Variants in FHIT observed in about 807,000 individuals in gnomAD.
FHIT encodes fragile histidine triad diadenosine triphosphatase.
FHIT carries 19 observed loss-of-function variants against 17.9 expected under a neutral mutation model. That is an observed-to-expected ratio of 1.06 (90% CI 0.74 to 1.56). The LOEUF is 1.56. Ranked by LOEUF, FHIT falls within the 40% of genes most tolerant of loss-of-function variation. The pLI, the probability that FHIT is intolerant of heterozygous loss-of-function variation, is 0.00. For synonymous variants in FHIT, 81 were observed against 69.7 expected (o/e 1.16, Z -0.81); for missense variants, 248 against 189.2 (o/e 1.31, Z -1.82).
intron 3 of FHIT, among the ~76,000 whole-genome samples, chr3:60,838,262 C>A (rs1248048377): frequency 6.6e-6 from 1 of 152,146 alleles, no homozygotes; most frequent in South Asian, 2.1e-4. Flanking sequence ...TGCCTGAGCT[C>A]AGGAGTTCGC....
chr3:60,824,736 G>A (rs1246133379), intron 3 of FHIT, among the ~76,000 whole-genome samples: 6 of 152,262 alleles, frequency 3.9e-5, no homozygotes, highest in African/African-American at 1.2e-4. Context: ...GAGTGAATAA[G>A]TCTCGAGAGA....
chr3:60,915,807 T>C (rs1367398126), intron 3 of FHIT, among the ~76,000 whole-genome samples: 1 of 152,152 alleles, frequency 6.6e-6, no homozygotes, highest in Non-Finnish European at 1.5e-5. Flanking sequence ...CATCTTTACA[T>C]CAGGGAGTAA....
chr3:60,010,658 T>C (rs571489495), intron 7 of FHIT, among the ~76,000 whole-genome samples: 1 of 152,314 alleles, frequency 6.6e-6, no homozygotes, highest in Admixed American at 6.5e-5. Context: ...TCTACCCGTA[T>C]AGGAATTAGC....
chr3:60,592,879 C>G (rs919094024), intron 4 of FHIT, among the ~76,000 whole-genome samples: 6 of 152,082 alleles, frequency 3.9e-5, no homozygotes, highest in African/African-American at 1.4e-4. Context: ...CTTCTAGCCC[C>G]TCATCTAGCA....
chr3:61,168,423 A>G (rs2037903378), intron 2 of FHIT, among the ~76,000 whole-genome samples: 1 of 152,248 alleles, frequency 6.6e-6, no homozygotes, highest in Non-Finnish European at 1.5e-5. Flanking sequence ...TGGCTATAAA[A>G]TGCACCTGAA....
At chr3:59,914,161 CAACATGTAACTATTATAA>C (rs1393442171) in intron 8 of FHIT, among the ~76,000 whole-genome samples, 4 of 151,984 alleles carry the variant, frequency 2.6e-5, no homozygotes, top group Admixed American at 1.3e-4. Context: ...AATATTATTT[CAACATGTAACTATTATAA>C]AACATTATTA....
rs928444675 is a variant in FHIT at position 61,070,680 on chromosome 3, G to A, written c.-163-28581C>T. Among the ~76,000 whole-genome samples, 4 of 152,064 alleles carry A rather than the reference G, an allele frequency of 2.6e-5. No individual in the cohort carries two copies. The South Asian group carries it at 8.3e-4, about 32-fold the overall frequency. On this transcript the variant is annotated intron_variant, in intron 2 of 9. Coordinates refer to ENST00000492590, the MANE Select transcript of FHIT (RefSeq NM_002012.4). ...AACAATTTCTAATTGCCCCTTCCCA[G>A]GACACCTTTTGAGAGCATCTCTCTT...
At chr3:60,924,283 A>T (rs1363158518) in intron 3 of FHIT, among the ~76,000 whole-genome samples, 5 of 152,194 alleles carry the variant, frequency 3.3e-5, no homozygotes, top group Non-Finnish European at 7.4e-5. Context: ...CTGACCCCCG[A>T]GTAGCCTAAC....
intron 3 of FHIT, among the ~76,000 whole-genome samples, chr3:60,843,651 C>A (rs1400742704): frequency 1.3e-5 from 2 of 148,680 alleles, no homozygotes; most frequent in Non-Finnish European, 3.0e-5. Context: ...CTATTGATAT[C>A]ACAGGCTGCT....
chr3:60,212,061 G>T (rs894362422), intron 5 of FHIT, among the ~76,000 whole-genome samples: 3 of 152,112 alleles, frequency 2.0e-5, no homozygotes. Context: ...GTCTGCTCAC[G>T]CCCAGCATCG....
At chr3:59,769,901 C>G (rs1322286944) in intron 8 of FHIT, among the ~76,000 whole-genome samples, 1 of 152,134 alleles carries the variant, frequency 6.6e-6, no homozygotes, top group South Asian at 2.1e-4. Context: ...TCTGTTTTTA[C>G]TAATATAAAT....
Position 59,915,937 on chromosome 3 carries a change from GA to G in FHIT, c.348+6408del, listed in dbSNP as rs68033255. 1.1e-3 allele frequency among the ~76,000 whole-genome samples: 160 copies of G among 142,328 alleles called. 1 individual carries two copies. Among genetic ancestry groups the G allele is most frequent in the African/African-American group, 3.8e-3 (144 of 38,310 alleles). 93.4% of individuals were successfully genotyped at this position (142,328 alleles called of 152,430 possible). A position where few individuals can be genotyped will look rare whatever the true frequency, so the allele number is the denominator to read the frequency against. On this transcript the variant is annotated intron_variant, in intron 8 of 9. Coordinates refer to ENST00000492590, the MANE Select transcript of FHIT (RefSeq NM_002012.4). ...ACAAAGTGAGACCCTGTCTCTTAGG[GA>G]AAAAAAAAAAAAAGAGTTAATAAAA...
intron 5 of FHIT, among the ~76,000 whole-genome samples, chr3:60,212,230 C>A: frequency 6.6e-6 from 1 of 152,194 alleles, no homozygotes; most frequent in Admixed American, 6.5e-5. Flanking sequence ...GGTATGGAGC[C>A]TGTTTAAAAC....
At chr3:61,038,320 A>G (rs1202051703) in intron 3 of FHIT, among the ~76,000 whole-genome samples, 6 of 152,234 alleles carry the variant, frequency 3.9e-5, no homozygotes, top group African/African-American at 1.2e-4. Context: ...AAGAAAAAAT[A>G]AGAGTGGTGA....
intron 5 of FHIT, among the ~76,000 whole-genome samples, chr3:60,436,062 A>G (rs2030209976): frequency 6.6e-6 from 1 of 151,400 alleles, no homozygotes; most frequent in African/African-American, 2.4e-5. Flanking sequence ...TTTCTTTTTG[A>G]GATGGAGTTT....
intron 5 of FHIT, among the ~76,000 whole-genome samples, chr3:60,036,749 C>G (rs1056492199): frequency 2.0e-5 from 3 of 152,076 alleles, no homozygotes; most frequent in East Asian, 1.9e-4. Context: ...ACAGAAGTAA[C>G]TGCCCAGTCA....
At chr3:60,587,891 C>A (rs1018671125) in intron 4 of FHIT, among the ~76,000 whole-genome samples, 18 of 151,948 alleles carry the variant, frequency 1.2e-4, no homozygotes, top group African/African-American at 3.4e-4. Context: ...CACAGCCTGG[C>A]TGGGGTAGAA....
intron 5 of FHIT, among the ~76,000 whole-genome samples, chr3:60,284,340 G>A (rs963634740): frequency 1.3e-5 from 2 of 152,130 alleles, no homozygotes; most frequent in African/African-American, 2.4e-5. Flanking sequence ...AAATGTGAAT[G>A]CAAACAAAAT....
chr3:60,709,348 T>C (rs9837041), intron 4 of FHIT, among the ~76,000 whole-genome samples: 6,930 of 152,276 alleles, frequency 0.046, 556 homozygotes, highest in African/African-American at 0.16. Flanking sequence ...TGATATATTA[T>C]TAGGGTTGAA....
Sources: allele counts gnomAD v4.1 joint callset (sites outside exome capture counted in the v4.1 genomes callset), GRCh38; gene constraint gnomAD v4.1.1; transcripts MANE v1.5; gene names NCBI Gene and HGNC (gene_info 2026-07-23, HGNC 2026-07-21).